DIP2C: variants seen among roughly 807,000 people sequenced by gnomAD.
DIP2C encodes the protein DIP2 acetate--CoA ligase C (putative), also known as disco-interacting protein 2 homolog C.
In DIP2C, 33 loss-of-function variants were observed where a neutral mutation model predicts 192.4. The ratio of observed to expected loss-of-function variants is 0.17; its 90% CI spans 0.13 to 0.23. The LOEUF (loss-of-function observed/expected upper bound fraction) is 0.23. Among genes scored for constraint, DIP2C ranks in the 10% least tolerant of loss-of-function variants. DIP2C has a pLI of 1.00. For missense variants in DIP2C, 1,537 were observed against 2,110.1 expected (o/e 0.73, Z 5.32); for synonymous variants, 979 against 864.1 (o/e 1.13, Z -2.33).
chr10:414,740 TAC>T (rs1554847953), intron 7 of DIP2C, among the ~76,000 whole-genome samples: 10,603 of 44,432 alleles, frequency 0.24, 1,132 homozygotes, highest in East Asian at 0.4. Flanking sequence ...TGTGTGTGTG[TAC>T]ATATATATAT....
At chr10:573,788 T>C (rs1178473724) in intron 1 of DIP2C, among the ~76,000 whole-genome samples, 1 of 152,162 alleles carries the variant, frequency 6.6e-6, no homozygotes, top group Non-Finnish European at 1.5e-5. Flanking sequence ...CAAGTAATTG[T>C]GTAAGAGAAA....
chr10:573,104 T>C (rs777101798), intron 1 of DIP2C, among the ~76,000 whole-genome samples: 1 of 152,328 alleles, frequency 6.6e-6, no homozygotes, highest in Middle Eastern at 3.4e-3. Flanking sequence ...CATTTTAGCA[T>C]GTAAGTGAAT....
chr10:467,545 AAAT>A (rs1193912958), intron 3 of DIP2C, among the ~76,000 whole-genome samples: 1 of 115,494 alleles, frequency 8.7e-6, no homozygotes, highest in African/African-American at 2.7e-5. Flanking sequence ...AAAATAAATA[AAAT>A]AAAAATTATT....
intron 1 of DIP2C, among the ~76,000 whole-genome samples, chr10:639,243 T>C (rs1454979191): frequency 7.5e-6 from 1 of 132,994 alleles, no homozygotes; most frequent in Non-Finnish European, 1.6e-5. Context: ...TGGGGACGCG[T>C]CAGGTCGGGG....
At chr10:337,616 CTG>C (rs1195989538) in intron 29 of DIP2C, among the ~76,000 whole-genome samples, 10 of 121,156 alleles carry the variant, frequency 8.3e-5, no homozygotes, top group Non-Finnish European at 1.0e-4. Flanking sequence ...GCCTAGGCAG[CTG>C]TGTGTGTGTG....
At chr10:392,747 CACAT>C (rs1308110492) in intron 10 of DIP2C, among the ~76,000 whole-genome samples, 44 of 148,954 alleles carry the variant, frequency 3.0e-4, no homozygotes, top group African/African-American at 1.0e-3. Flanking sequence ...CGCACACACT[CACAT>C]ACACACACAC....
At chr10:547,894 C>T (rs1848369766) in intron 1 of DIP2C, among the ~76,000 whole-genome samples, 1 of 152,232 alleles carries the variant, frequency 6.6e-6, no homozygotes, top group South Asian at 2.1e-4. Flanking sequence ...CACACCACCC[C>T]ACCCGCAGCT....
chr10:357,759 G>A, intron 23 of DIP2C, 69 bp downstream of exon 23: 1 of 1,218,736 alleles, frequency 8.2e-7, no homozygotes, highest in East Asian at 2.3e-5. Flanking sequence ...GTCGGGGATG[G>A]TCGCAGATGG....
chr10:595,385 A>G (rs542158255), intron 1 of DIP2C, among the ~76,000 whole-genome samples: 1 of 152,300 alleles, frequency 6.6e-6, no homozygotes, highest in South Asian at 2.1e-4. Context: ...CTATGGTTCA[A>G]CTGAATAAAA....
chr10:456,681 C>T lies in DIP2C; in HGVS notation c.269-15685G>A, dbSNP rs549915241. Among the ~76,000 whole-genome samples the T allele has an allele frequency of 3.9e-5, 6 of 152,306 alleles. No individual in the cohort carries two copies. The East Asian group carries it at 7.7e-4, about 20-fold the overall frequency. ...GGCTGCATGGAATTCCACCTGTCCA[C>T]GGCCACCGTTTGTCTCCACTACACA... On this transcript the variant is annotated intron_variant, in intron 3 of 36. Transcript: ENST00000280886.
intron 4 of DIP2C, among the ~76,000 whole-genome samples, chr10:435,093 T>C (rs1392510467): frequency 6.6e-6 from 1 of 152,208 alleles, no homozygotes; most frequent in Non-Finnish European, 1.5e-5. Flanking sequence ...TCCTCATTCT[T>C]CTCCTTGTAT....
intron 1 of DIP2C, among the ~76,000 whole-genome samples, chr10:573,898 A>G (rs1163708421): frequency 6.6e-6 from 1 of 152,198 alleles, no homozygotes; most frequent in Non-Finnish European, 1.5e-5. Context: ...AAGTTCTATA[A>G]AGTGGTACCA....
intron 1 of DIP2C, among the ~76,000 whole-genome samples, chr10:571,951 A>G (rs1029828663): frequency 3.3e-5 from 5 of 152,240 alleles, no homozygotes; most frequent in African/African-American, 1.2e-4. Flanking sequence ...CATGGTTACA[A>G]AAGAACCATA....
At chr10:542,250 G>A (rs867069932) in intron 1 of DIP2C, among the ~76,000 whole-genome samples, 3 of 152,192 alleles carry the variant, frequency 2.0e-5, no homozygotes, top group Non-Finnish European at 1.5e-5. Context: ...GCCAGGTGAC[G>A]GTAACATCAA....
chr10:354,702 C>T (rs1484605803), intron 24 of DIP2C, among the ~76,000 whole-genome samples: 2 of 151,960 alleles, frequency 1.3e-5, no homozygotes, highest in Admixed American at 6.6e-5. Context: ...GAGGGGTAGC[C>T]ACCTCTGTGA....
At chr10:482,962 T>C (rs940632592) in intron 2 of DIP2C, among the ~76,000 whole-genome samples, 3 of 152,158 alleles carry the variant, frequency 2.0e-5, no homozygotes, top group African/African-American at 7.2e-5. Context: ...CTGACCCTTC[T>C]TTCACTGCAT....
chr10:491,289 T>C (rs1014840366), intron 1 of DIP2C, among the ~76,000 whole-genome samples: 6 of 152,234 alleles, frequency 3.9e-5, no homozygotes, highest in African/African-American at 7.2e-5. Context: ...GGTTTCCATG[T>C]GCAGTGTCAG....
At chr10:645,815 T>C in intron 1 of DIP2C, among the ~76,000 whole-genome samples, 1 of 152,214 alleles carries the variant, frequency 6.6e-6, no homozygotes, top group East Asian at 1.9e-4. Context: ...GTGTCACTTC[T>C]GTAATGTAAT....
intron 3 of DIP2C, among the ~76,000 whole-genome samples, chr10:469,981 G>A (rs1970498529): frequency 6.6e-6 from 1 of 152,218 alleles, no homozygotes; most frequent in Non-Finnish European, 1.5e-5. Context: ...GTATTCTTAT[G>A]GAAGAAAGTG....
Sources: gnomAD v4.1 joint callset for allele counts (sites outside exome capture counted in the v4.1 genomes callset) on GRCh38, gnomAD v4.1.1 for gene constraint, MANE v1.5 for transcripts, NCBI Gene and HGNC (gene_info 2026-07-23, HGNC 2026-07-21) for gene names.